Variants in SMIM23 observed in about 807,000 individuals in gnomAD.
SMIM23 encodes small integral membrane protein 23.
Under a neutral mutation model 12.8 loss-of-function variants are expected in SMIM23, and 10 were observed. The observed-to-expected ratio is 0.78, with a 90% CI of 0.48 to 1.32. SMIM23 has a LOEUF of 1.32. SMIM23 is among the 40% of genes most tolerant of loss of function. The pLI is 0.00. For synonymous variants in SMIM23, 78 were observed against 80.1 expected (o/e 0.97, Z 0.14); for missense variants, 184 against 198.2 (o/e 0.93, Z 0.43).
upstream of SMIM23, among the ~76,000 whole-genome samples, chr5:171,783,894 CA>C (rs1274561076): frequency 1.3e-5 from 2 of 152,098 alleles, no homozygotes; most frequent in Non-Finnish European, 2.9e-5. Flanking sequence ...GGGCAAAAGA[CA>C]GGAACAAATG....
upstream of SMIM23, among the ~76,000 whole-genome samples, chr5:171,781,637 AT>A (rs1332242162): frequency 6.6e-6 from 1 of 151,996 alleles, no homozygotes; most frequent in African/African-American, 2.4e-5. Context: ...AACCCTGGAT[AT>A]TTATCCCAGA....
upstream of SMIM23, among the ~76,000 whole-genome samples, chr5:171,784,208 A>T (rs1169499051): frequency 1.3e-5 from 2 of 152,246 alleles, no homozygotes; most frequent in Non-Finnish European, 2.9e-5. Context: ...TGGTTAAATT[A>T]AAAAATAGTG....
chr5:171,780,200 T>C (rs1172560851), upstream of SMIM23, among the ~76,000 whole-genome samples: 1 of 152,188 alleles, frequency 6.6e-6, no homozygotes, highest in Non-Finnish European at 1.5e-5. Context: ...GAAATCTTTA[T>C]TCATTCACAC....
upstream of SMIM23, among the ~76,000 whole-genome samples, chr5:171,782,999 T>C (rs12153062): frequency 0.29 from 44,046 of 152,148 alleles, 6,505 homozygotes; most frequent in East Asian, 0.4. Flanking sequence ...ATGTGGAACA[T>C]TGATGATTTC....
intron 1 of SMIM23, among the ~76,000 whole-genome samples, chr5:171,789,118 C>T (rs1333605134): frequency 3.9e-5 from 6 of 152,318 alleles, no homozygotes; most frequent in East Asian, 1.9e-4. Flanking sequence ...TACAGGCGTG[C>T]GCCACCGCGC....
chr5:171,789,901 A>G (rs1282885462), intron 1 of SMIM23, among the ~76,000 whole-genome samples: 9 of 152,246 alleles, frequency 5.9e-5, no homozygotes, highest in Non-Finnish European at 5.9e-5. Flanking sequence ...CATCAGACTC[A>G]TCAGACTATA....
At chr5:171,778,851 C>G (rs1214275737), upstream of SMIM23, among the ~76,000 whole-genome samples, 1 of 152,208 alleles carries the variant, frequency 6.6e-6, no homozygotes, top group African/African-American at 2.4e-5. Flanking sequence ...GTATTCCTTT[C>G]TGGTTCAGTG....
At chr5:171,790,459 G>C in intron 2 of SMIM23, 23 bp from the exon 3 acceptor site, 2 of 1,536,244 alleles carry the variant, frequency 1.3e-6, no homozygotes, top group Non-Finnish European at 1.7e-6. Context: ...GCTCTTCAGA[G>C]GTGATGTTTG....
At chr5:171,775,129 A>T in the SMIM23 span, among the ~76,000 whole-genome samples, 1 of 152,200 alleles carries the variant, frequency 6.6e-6, no homozygotes, top group South Asian at 2.1e-4. Flanking sequence ...CGTTCATTTG[A>T]CAAATAGACA....
rs887736568 is a variant in SMIM23, at chr5:171,790,535, C to A, written c.211C>A (p.Leu71Ile). ...CAGAGAATGTAACTACTACCAGAAT[C>A]TTGCAGTTCCCCAGGTAACATGTCC... Reference protein sequence around the residue: ...RIRECNYYQNLAVPQGLEYQT... With the variant: ...RIRECNYYQNIAVPQGLEYQT... The change falls in exon 3 of 4, where the codon CTT becomes ATT. Residue 71 changes from leucine (L) to isoleucine (I), a missense_variant. Transcript: ENST00000523047. 3.4e-5 allele frequency: 53 copies of A among 1,536,742 alleles called. No homozygotes were observed. In the African/African-American group the frequency reaches 6.4e-4, roughly 19 times the overall value.
At chr5:171,789,358 T>C (rs565701274) in intron 1 of SMIM23, among the ~76,000 whole-genome samples, 2 of 152,378 alleles carry the variant, frequency 1.3e-5, no homozygotes, top group Non-Finnish European at 2.9e-5. Context: ...AGAAAAGTCA[T>C]TGGTGGTTTC....
the SMIM23 span, among the ~76,000 whole-genome samples, chr5:171,777,210 C>T: frequency 7.2e-5 from 11 of 152,152 alleles, no homozygotes; most frequent in Non-Finnish European, 1.5e-4. Context: ...TAAATTAGCC[C>T]AATGACCAAC....
Position 171,791,009 on chromosome 5 carries a change from A to C in SMIM23, c.440A>C (p.Glu147Ala), listed in dbSNP as rs1420859882. Residue 147 changes from glutamate to alanine, a missense_variant, in exon 4 of 4, where the codon GAG (glutamate) becomes GCG (alanine). By Grantham distance (107) the Glu-to-Ala change is moderately radical. Transcript: ENST00000523047. Reference protein sequence around the residue: ...HCSTYKSHLWEWAWALGREHK... With the variant: ...HCSTYKSHLWAWAWALGREHK... ...TCCACATATAAAAGTCACTTGTGGG[A>C]GTGGGCCTGGGCCCTGGGGAGAGAG... 1 of 1,535,192 alleles carries C rather than the reference A, an allele frequency of 6.5e-7. No homozygotes were observed. Among genetic ancestry groups the C allele is most frequent in the Admixed American group, 2.0e-5 (1 of 50,968 alleles).
Position 171,790,946 on chromosome 5 carries a change from A to T in SMIM23, c.377A>T (p.Asp126Val). The T allele has an allele frequency of 6.5e-7, 1 of 1,536,126 alleles. No homozygotes were observed. The highest frequency in any genetic ancestry group is 1.4e-5 in the African/African-American group (1 of 73,172). ...GCGTGGGACCTGGAACTGTGGCTGGATGCTCTTCTGGGAGAGCCACACCAG... is the reference window on the plus strand; with the variant it reads ...GCGTGGGACCTGGAACTGTGGCTGGTTGCTCTTCTGGGAGAGCCACACCAG... ...QLAWDLELWL[D>V]ALLGEPHQEE... The change falls in exon 4 of 4, where the codon GAT becomes GTT. Residue 126 changes from aspartate to valine, a missense_variant. Transcript: ENST00000523047.
upstream of SMIM23, among the ~76,000 whole-genome samples, chr5:171,779,177 G>A (rs1306541189): frequency 6.6e-6 from 1 of 152,168 alleles, no homozygotes; most frequent in Non-Finnish European, 1.5e-5. Context: ...ACATTTACAA[G>A]CCAGGAGGTT....
chr5:171,775,350 C>T, the SMIM23 span, among the ~76,000 whole-genome samples: 2 of 152,212 alleles, frequency 1.3e-5, no homozygotes, highest in African/African-American at 2.4e-5. Flanking sequence ...CCACCTCCCC[C>T]TCCTTCGGGC....
Position 171,790,911 on chromosome 5 carries a change from G to A in SMIM23, c.342G>A (p.Leu114=). Residue 114 remains leucine (L), a synonymous_variant, in exon 4 of 4, where the codon CTG becomes CTA. Coordinates refer to ENST00000523047, the MANE Select transcript of SMIM23 (RefSeq NM_001289970.2). ...AGTTAGAGGAAGAGGTGCAGCAGCT[G>A]GAGCAGCTAGCGTGGGACCTGGAAC... ...SEKLEEEVQQ[L]EQLAWDLELW... is the part of the protein sequence containing the mutation. 1 of 1,536,172 alleles carries A rather than the reference G, an allele frequency of 6.5e-7. No individual in the cohort carries two copies. Among genetic ancestry groups the A allele is most frequent in the Non-Finnish European group, 8.7e-7 (1 of 1,146,918 alleles).
At chr5:171,774,387 G>T in the SMIM23 span, 28 of 456,188 alleles carry the variant, frequency 6.1e-5, no homozygotes, top group African/African-American at 5.4e-4. Flanking sequence ...GCCCACGCAG[G>T]GTTACACAGG....
chr5:171,786,488 G>T lies in SMIM23; in HGVS notation c.105+512G>T, dbSNP rs1036882136. ...TGAGGCCCAGAAAGGCAAAAGGGCC[G>T]TACAACTGGGACATATCAGGATTTG... On this transcript the variant is annotated intron_variant, in intron 1 of 3. Coordinates refer to ENST00000523047, the MANE Select transcript of SMIM23 (RefSeq NM_001289970.2). 7.3e-4 allele frequency among the ~76,000 whole-genome samples: 111 copies of T among 152,264 alleles called. 1 individual carries two copies. The highest frequency in any genetic ancestry group is 6.3e-3 in the Admixed American group (97 of 15,292).
Sources: allele counts gnomAD v4.1 joint callset (sites outside exome capture counted in the v4.1 genomes callset), GRCh38; gene constraint gnomAD v4.1.1; transcripts MANE v1.5; gene names NCBI Gene and HGNC (gene_info 2026-07-23, HGNC 2026-07-21).